The following ROS1 variants were observed in gnomAD, a reference collection of about 807,000 sequenced individuals.
ROS1 encodes the protein proto-oncogene tyrosine-protein kinase ROS.
In ROS1, 263 loss-of-function variants were observed where a neutral mutation model predicts 273.5. That is an observed-to-expected ratio of 0.96 (90% CI 0.87 to 1.06). ROS1 has a LOEUF of 1.06. ROS1 is among the 50% of genes least tolerant of loss of function. The probability of loss-of-function intolerance (pLI) is 0.00; values close to 1 mark genes in which losing one functional copy is unlikely to be tolerated. For synonymous variants in ROS1, 1,008 were observed against 954.1 expected (o/e 1.06, Z -1.04); for missense variants, 2,833 against 2,751.1 (o/e 1.03, Z -0.67).
rs1285354534 is a variant in ROS1, at chr6:117,365,113, G to A, written c.3050C>T (p.Thr1017Ile). 6.2e-7 allele frequency: 1 copy of A among 1,613,590 alleles called. No individual in the cohort carries two copies. The highest frequency in any genetic ancestry group is 1.7e-5 in the Admixed American group (1 of 59,980). ...TGTTTTGGGGCCCTTTCCCCAGTAGGTATAAGGAGTGACAGAAAGATTAAA... is the reference window on the plus strand; with the variant it reads ...TGTTTTGGGGCCCTTTCCCCAGTAGATATAAGGAGTGACAGAAAGATTAAA... Reference protein sequence around the residue: ...ALFNLSVTPYTYWGKGPKTSL... With the variant: ...ALFNLSVTPYIYWGKGPKTSL... The change falls in exon 21 of 44, where the codon ACC becomes ATC. Residue 1017 changes from threonine to isoleucine, a missense_variant. By Grantham distance (89) the Thr-to-Ile change is moderately conservative. Coordinates refer to ENST00000368507, the MANE Select transcript of ROS1 (RefSeq NM_001378902.1).
At chr6:117,360,448 G>T in intron 22 of ROS1, 43 bp from the exon 23 acceptor site, 3 of 1,384,042 alleles carry the variant, frequency 2.2e-6, no homozygotes, top group Non-Finnish European at 3.1e-6. Context: ...AGTGTTCTCC[G>T]TGGCAACAAT....
intron 15 of ROS1, 83 bp from the exon 16 acceptor site, chr6:117,385,944 T>A: frequency 9.6e-7 from 1 of 1,039,086 alleles, no homozygotes; most frequent in Non-Finnish European, 1.5e-6. Flanking sequence ...CATCTGCACC[T>A]CAACATAATT....
chr6:117,366,287 A>AG lies in ROS1; in HGVS notation c.2585dup (p.Gly863TrpfsTer15), dbSNP rs1249580693. The stretch of plus-strand genomic sequence containing the variant: ...CAAATTCTGTGATGGTGGTATCCCC[A>AG]GTGCTGCTAAAACATAACACCAATT... On this transcript the variant is annotated frameshift_variant, in exon 19 of 44. Transcript: ENST00000368507. LOFTEE classifies it high-confidence loss of function. The AG allele has an allele frequency of 6.2e-7, 1 of 1,613,442 alleles. No homozygotes were observed. Among genetic ancestry groups the AG allele is most frequent in the Admixed American group, 1.7e-5 (1 of 60,022 alleles).
chr6:117,378,927 C>T (rs1771886376), intron 18 of ROS1, 132 bp downstream of exon 18: 1 of 613,274 alleles, frequency 1.6e-6, no homozygotes, highest in South Asian at 2.0e-5. Flanking sequence ...CTTTACCCTA[C>T]AAGCCCAATG....
At chr6:117,297,764 G>T (rs1423107038) in intron 43 of ROS1, among the ~76,000 whole-genome samples, 1 of 152,174 alleles carries the variant, frequency 6.6e-6, no homozygotes, top group Admixed American at 6.5e-5. Flanking sequence ...GTTACATGCT[G>T]TTGGTGGGAA....
At chr6:117,365,013 T>C (rs185938975) in intron 21 of ROS1, 47 bp downstream of exon 21, 3 of 1,570,762 alleles carry the variant, frequency 1.9e-6, no homozygotes, top group Admixed American at 1.8e-5. Context: ...TCATGAAAAG[T>C]GAGATTCTGC....
At chr6:117,398,465 G>C (rs1773674967) in intron 7 of ROS1, among the ~76,000 whole-genome samples, 1 of 152,092 alleles carries the variant, frequency 6.6e-6, no homozygotes, top group Non-Finnish European at 1.5e-5. Context: ...AATCGCTTGA[G>C]GCCAGGAGTT....
At chr6:117,419,276 G>A (rs1055791393) in intron 1 of ROS1, among the ~76,000 whole-genome samples, 3 of 152,174 alleles carry the variant, frequency 2.0e-5, no homozygotes, top group African/African-American at 7.2e-5. Flanking sequence ...ATGTGCTAAA[G>A]GAGTAAATCC....
intron 43 of ROS1, among the ~76,000 whole-genome samples, chr6:117,296,014 G>A (rs1017311201): frequency 5.9e-5 from 9 of 152,172 alleles, no homozygotes; most frequent in African/African-American, 2.2e-4. Flanking sequence ...AAGGAAATCA[G>A]TACATCAAAG....
At chr6:117,318,133 T>C (rs1322262646) in intron 38 of ROS1, 55 bp downstream of exon 38, 1 of 1,319,842 alleles carries the variant, frequency 7.6e-7, no homozygotes, top group African/African-American at 1.4e-5. Context: ...TAAAAATAAG[T>C]CAAGCGGACT....
chr6:117,303,132 T>C (rs1774859013), intron 42 of ROS1, among the ~76,000 whole-genome samples: 1 of 152,170 alleles, frequency 6.6e-6, no homozygotes, highest in Non-Finnish European at 1.5e-5. Context: ...CAAGCCTGGT[T>C]TTCAAGCCTA....
chr6:117,389,260 G>T, intron 13 of ROS1, 90 bp downstream of exon 13: 1 of 1,423,446 alleles, frequency 7.0e-7, no homozygotes, highest in Non-Finnish European at 9.5e-7. Flanking sequence ...GCCAAATGGG[G>T]CTCTCAAAAT....
chr6:117,401,699 G>A (rs1175578354), intron 7 of ROS1, among the ~76,000 whole-genome samples: 6 of 150,654 alleles, frequency 4.0e-5, no homozygotes. Context: ...AACAATGTCT[G>A]GTATATAATA....
intron 39 of ROS1, among the ~76,000 whole-genome samples, chr6:117,316,101 T>C (rs1679531480): frequency 6.6e-6 from 1 of 152,104 alleles, no homozygotes; most frequent in Admixed American, 6.6e-5. Flanking sequence ...TTGTGATAAT[T>C]GTCAGAGGAT....
Position 117,397,224 on chromosome 6 carries a change from C to T in ROS1, c.605-108G>A, listed in dbSNP as rs115638513. 1.6e-3 allele frequency: 1,164 copies of T among 720,306 alleles called. 7 individuals carry two copies. In the African/African-American group the frequency reaches 0.018, roughly 11 times the overall value. The allele number at this position is 720,306 out of a possible 1,614,324, so 44.6% of individuals were successfully genotyped here. A position where few individuals can be genotyped will look rare whatever the true frequency, so the allele number is the denominator to read the frequency against. ...TTTTTTTTTGAAAACTTAATGGAAA[C>T]GAAATAATTTTATTAATACTCAAAA... On this transcript the variant is annotated intron_variant, in intron 7 of 43. Transcript: ENST00000368507.
At chr6:117,422,083 T>C (rs1775799347) in intron 1 of ROS1, among the ~76,000 whole-genome samples, 1 of 152,178 alleles carries the variant, frequency 6.6e-6, no homozygotes, top group Admixed American at 6.6e-5. Flanking sequence ...TAATCACAGC[T>C]GACAGCATCC....
At chr6:117,379,779 T>G (rs1385901160) in intron 17 of ROS1, among the ~76,000 whole-genome samples, 1 of 152,132 alleles carries the variant, frequency 6.6e-6, no homozygotes, top group African/African-American at 2.4e-5. Context: ...TAAACCATTT[T>G]GAATTGTATT....
At position 117,311,119 on chromosome 6, in the gene ROS1, T is replaced by C; in HGVS notation, c.6118-2A>G. Reference sequence around the variant, plus strand: ...CAAGGTGAGTAAAGGACCATAAAACTGTAAGAAATGAAAGAAAAATTACAG... The same window carrying C: ...CAAGGTGAGTAAAGGACCATAAAACCGTAAGAAATGAAAGAAAAATTACAG... On this transcript the variant is annotated splice_acceptor_variant, in intron 39 of 43. Transcript: ENST00000368507. LOFTEE classifies it high-confidence loss of function. 1 of 1,580,930 alleles carries C rather than the reference T, an allele frequency of 6.3e-7. No individual in the cohort carries two copies. Among genetic ancestry groups the C allele is most frequent in the Admixed American group, 1.8e-5 (1 of 55,964 alleles).
chr6:117,338,335 T>G (rs1011190603), intron 31 of ROS1, among the ~76,000 whole-genome samples: 1 of 151,944 alleles, frequency 6.6e-6, no homozygotes, highest in African/African-American at 2.4e-5. Flanking sequence ...TAGACCACTA[T>G]GTACAGTAAG....
Sources: gnomAD v4.1 joint callset for allele counts (sites outside exome capture counted in the v4.1 genomes callset) on GRCh38, gnomAD v4.1.1 for gene constraint, MANE v1.5 for transcripts, NCBI Gene and HGNC (gene_info 2026-07-23, HGNC 2026-07-21) for gene names.